The following FLYWCH1 variants were observed in gnomAD, a reference collection of about 807,000 sequenced individuals.
FLYWCH1 encodes FLYWCH-type zinc finger 1.
In FLYWCH1, 75 loss-of-function variants were observed where a neutral mutation model predicts 66.4. The observed-to-expected ratio is 1.13, with a 90% CI of 0.94 to 1.37. FLYWCH1 has a LOEUF of 1.37. Ranked by LOEUF, FLYWCH1 falls within the 40% of genes most tolerant of loss-of-function variation. The pLI is 0.00. For synonymous variants in FLYWCH1, 595 were observed against 429.9 expected (o/e 1.38, Z -4.75); for missense variants, 1,334 against 1,001.8 (o/e 1.33, Z -4.48).
At chr16:2,946,928 A>C (rs1347291124) in intron 9 of FLYWCH1, among the ~76,000 whole-genome samples, 1 of 152,172 alleles carries the variant, frequency 6.6e-6, no homozygotes, top group Non-Finnish European at 1.5e-5. Flanking sequence ...CCACTTTGGA[A>C]AACACTCTGG....
At chr16:2,927,671 C>G (rs971154514) in intron 2 of FLYWCH1, among the ~76,000 whole-genome samples, 1 of 152,244 alleles carries the variant, frequency 6.6e-6, no homozygotes, top group African/African-American at 2.4e-5. Flanking sequence ...CCCCGGCTGG[C>G]TCAGTCAGTA....
chr16:2,926,717 C>T (rs949851242), intron 2 of FLYWCH1, among the ~76,000 whole-genome samples: 1 of 152,148 alleles, frequency 6.6e-6, no homozygotes, highest in Admixed American at 6.5e-5. Flanking sequence ...GAATTAATGG[C>T]CTATGAAAAT....
At chr16:2,922,586 A>T in intron 2 of FLYWCH1, 1 of 325,150 alleles carries the variant, frequency 3.1e-6, no homozygotes, top group Non-Finnish European at 6.0e-6. Context: ...TGTGCCTGGC[A>T]TGTCGTATGT....
At chr16:2,936,525 C>T (rs1429511181) in intron 6 of FLYWCH1, 3 of 453,700 alleles carry the variant, frequency 6.6e-6, no homozygotes, top group Non-Finnish European at 4.4e-6. Flanking sequence ...CCGATGTGTC[C>T]ACGATGCCCC....
At chr16:2,935,579 G>T (rs897444436) in intron 6 of FLYWCH1, 2 of 152,214 alleles carry the variant, frequency 1.3e-5, no homozygotes, top group Non-Finnish European at 2.9e-5. Context: ...GTCCCGGGAG[G>T]TAGCACGTTG....
chr16:2,914,989 A>C (rs1178665974), intron 2 of FLYWCH1, among the ~76,000 whole-genome samples: 1 of 151,192 alleles, frequency 6.6e-6, no homozygotes, highest in African/African-American at 2.4e-5. Flanking sequence ...CCCTGTATCT[A>C]CTGTAAAACA....
At chr16:2,930,932 G>A (rs2070742235) in intron 4 of FLYWCH1, 52 bp downstream of exon 4, 1 of 1,394,456 alleles carries the variant, frequency 7.2e-7, no homozygotes, top group Non-Finnish European at 9.7e-7. Context: ...GGGACCCGAG[G>A]GCCCTTCCTC....
In FLYWCH1 at chr16:2,948,819, G is replaced by A. The variant is rs1477471168; in HGVS notation, c.*92G>A. On this transcript the variant is annotated 3_prime_UTR_variant, in exon 10 of 10. Transcript: ENST00000253928. ...CCATCCACCTAGGTTTGGCTTAGCAGAAACTTCTTTTCATTCTTCCAAAGC... is the reference window on the plus strand; with the variant it reads ...CCATCCACCTAGGTTTGGCTTAGCAAAAACTTCTTTTCATTCTTCCAAAGC... 1 of 1,171,194 alleles carries A rather than the reference G, an allele frequency of 8.5e-7. No individual in the cohort carries two copies. The highest frequency in any genetic ancestry group is 1.3e-6 in the Non-Finnish European group (1 of 786,000). The allele number at this position is 1,171,194 out of a possible 1,614,324, so 72.6% of individuals were successfully genotyped here. A position where few individuals can be genotyped will look rare whatever the true frequency, so the allele number is the denominator to read the frequency against.
At chr16:2,918,412 G>C (rs1261485662) in intron 2 of FLYWCH1, among the ~76,000 whole-genome samples, 1 of 151,544 alleles carries the variant, frequency 6.6e-6, no homozygotes, top group African/African-American at 2.4e-5. Flanking sequence ...CTTCTAAAGT[G>C]CTGGGATTAC....
chr16:2,918,147 C>CTTTTTT (rs35609623), intron 2 of FLYWCH1, among the ~76,000 whole-genome samples: 5 of 103,752 alleles, frequency 4.8e-5, no homozygotes, highest in Non-Finnish European at 5.7e-5. Context: ...CCTTGGATTC[C>CTTTTTT]TTTTTTTTTT....
intron 9 of FLYWCH1, among the ~76,000 whole-genome samples, chr16:2,942,379 C>A (rs1452398301): frequency 6.6e-6 from 1 of 152,008 alleles, no homozygotes; most frequent in Admixed American, 6.6e-5. Context: ...AACTCCTGGG[C>A]TCAATCAGTC....
intron 4 of FLYWCH1, among the ~76,000 whole-genome samples, chr16:2,931,184 TC>T (rs2070749216): frequency 6.6e-6 from 1 of 150,758 alleles, no homozygotes; most frequent in African/African-American, 2.4e-5. Flanking sequence ...GCACCTGTAA[TC>T]CCAGCTACTC....
Position 2,938,098 on chromosome 16 carries a change from G to A in FLYWCH1, c.1778-86G>A, listed in dbSNP as rs1201909361. On this transcript the variant is annotated intron_variant, in intron 7 of 9. Coordinates refer to ENST00000253928, the MANE Select transcript of FLYWCH1 (RefSeq NM_001308068.2). ...CTAGGGGATCGCAGATTCCTGGTGG[G>A]GCCTGGCTGGGGGATACAAATCAGA... 8 of 1,349,618 alleles carry A rather than the reference G, an allele frequency of 5.9e-6. No individual in the cohort carries two copies. In the East Asian group the frequency reaches 1.5e-4, roughly 25 times the overall value. The allele number at this position is 1,349,618 out of a possible 1,614,324, so 83.6% of individuals were successfully genotyped here.
chr16:2,947,701 G>A (rs1364487411), intron 9 of FLYWCH1, among the ~76,000 whole-genome samples: 1 of 150,732 alleles, frequency 6.6e-6, no homozygotes, highest in African/African-American at 2.5e-5. Context: ...GGTAGAGGTT[G>A]CAGTGAGCAG....
At chr16:2,912,983 G>T (rs1312623707) in intron 1 of FLYWCH1, 3 of 152,210 alleles carry the variant, frequency 2.0e-5, no homozygotes, top group Non-Finnish European at 2.9e-5. Flanking sequence ...ATTATATCAT[G>T]TTTCTCTTGT....
intron 1 of FLYWCH1, 71 bp downstream of exon 1, chr16:2,912,225 C>T (rs1253016633): frequency 6.6e-6 from 1 of 152,316 alleles, no homozygotes; most frequent in Admixed American, 6.5e-5. Flanking sequence ...GCCCGGCTCT[C>T]CCGGGGGTCC....
Position 2,930,668 on chromosome 16 carries a change from T to C in FLYWCH1, c.584T>C (p.Leu195Pro). The C allele has an allele frequency of 6.5e-7, 1 of 1,545,400 alleles. No individual in the cohort carries two copies. The highest frequency in any genetic ancestry group is 8.7e-7 in the Non-Finnish European group (1 of 1,147,090). ...AGGGAGAAACTGCCCAGCCTGGCCC[T>C]GCCAGAGGGCTTGGGAGAGCCCCAG... Reference protein sequence around the residue: ...RQREKLPSLALPEGLGEPQGP... With the variant: ...RQREKLPSLAPPEGLGEPQGP... The change falls in exon 4 of 10, where the codon CTG becomes CCG. Residue 195 changes from leucine to proline, a missense_variant. Coordinates refer to ENST00000253928, the MANE Select transcript of FLYWCH1 (RefSeq NM_001308068.2).
In FLYWCH1 at chr16:2,930,513, G is replaced by A. The variant is rs372786093; in HGVS notation, c.429G>A (p.Val143=). 1.5e-5 allele frequency: 23 copies of A among 1,542,688 alleles called. No homozygotes were observed. The African/African-American group carries it at 2.4e-4, about 16-fold the overall frequency. ...AGGAGAAGGCAGTGGGGGACAAGGT[G>A]TACTGGAAGTGCCGCCAACATGCTG... is the stretch of plus-strand genomic sequence containing the variant. The part of the protein sequence containing the change: ...YKQEKAVGDK[V]YWKCRQHAEL... Residue 143 remains valine, a synonymous_variant, in exon 4 of 10, where the codon GTG becomes GTA. Coordinates refer to ENST00000253928, the MANE Select transcript of FLYWCH1 (RefSeq NM_001308068.2).
intron 9 of FLYWCH1, among the ~76,000 whole-genome samples, chr16:2,943,032 C>G (rs1403188203): frequency 1.3e-5 from 2 of 152,216 alleles, no homozygotes; most frequent in South Asian, 4.1e-4. Context: ...GTAAAGAGCT[C>G]CTATGTGGAT....
Sources: gnomAD v4.1 joint callset for allele counts (sites outside exome capture counted in the v4.1 genomes callset) on GRCh38, gnomAD v4.1.1 for gene constraint, MANE v1.5 for transcripts, NCBI Gene and HGNC (gene_info 2026-07-23, HGNC 2026-07-21) for gene names.